Variants in WDR27 observed in about 807,000 individuals in gnomAD.
WDR27 encodes WD repeat domain 27.
WDR27 carries 100 observed loss-of-function variants against 114.4 expected under a neutral mutation model. The observed-to-expected ratio is 0.87, with a 90% confidence interval of 0.74 to 1.03. The LOEUF is 1.03. WDR27 is among the 50% of genes least tolerant of loss of function. The pLI, the probability that WDR27 is intolerant of heterozygous loss-of-function variation, is 0.00. For synonymous variants in WDR27, 449 were observed against 423.1 expected, an observed-to-expected ratio of 1.06 and a Z score of -0.75; for missense variants, 1,129 against 1,092.9, an observed-to-expected ratio of 1.03 and a Z score of -0.47.
intron 21 of WDR27, among the ~76,000 whole-genome samples, chr6:169,623,776 G>A (rs551490493): frequency 9.2e-5 from 14 of 152,168 alleles, no homozygotes; most frequent in Non-Finnish European, 1.5e-4. Context: ...TGACACACAC[G>A]TGAGGCCCCA....
chr6:169,484,944 G>A (rs573233876), intron 25 of WDR27, among the ~76,000 whole-genome samples: 122 of 152,308 alleles, frequency 8.0e-4, no homozygotes, highest in African/African-American at 2.7e-3. Context: ...TCAATAAATG[G>A]TGCTGGGATA....
Position 169,659,363 on chromosome 6 carries a change from C to A in WDR27, c.1197+88G>T. ...GTTTTTACACACAAAATCCCGTTTA[C>A]TCAGCCAGTCGTTACAGGATCACTC... On this transcript the variant is annotated intron_variant, in intron 11 of 25. Transcript: ENST00000448612. The surrounding 1 kb of genome is among the most constrained non-coding windows in gnomAD (Gnocchi z 4.3). 1 of 1,581,772 alleles carries A rather than the reference C, an allele frequency of 6.3e-7. No homozygotes were observed. The highest frequency in any genetic ancestry group is 8.6e-7 in the Non-Finnish European group (1 of 1,157,780).
chr6:169,507,197 C>A (rs2115511597), intron 25 of WDR27, among the ~76,000 whole-genome samples: 1 of 152,300 alleles, frequency 6.6e-6, no homozygotes, highest in Middle Eastern at 3.4e-3. Context: ...AAGGTAAGCA[C>A]AAATGTGGAC....
intron 25 of WDR27, among the ~76,000 whole-genome samples, chr6:169,570,590 A>G (rs1801227998): frequency 1.3e-5 from 2 of 152,218 alleles, no homozygotes; most frequent in African/African-American, 4.8e-5. Flanking sequence ...ACACTTTGGG[A>G]GGCCTAGGCG....
chr6:169,645,031 AAAAAT>A (rs1820233203), intron 16 of WDR27, among the ~76,000 whole-genome samples: 1 of 128,928 alleles, frequency 7.8e-6, no homozygotes, highest in Non-Finnish European at 1.6e-5. Context: ...AATAAAAAAA[AAAAAT>A]AAAAAAAAAA....
intron 21 of WDR27, among the ~76,000 whole-genome samples, chr6:169,632,318 A>ATCGTAAGT (rs1221591380): frequency 2.6e-5 from 4 of 152,202 alleles, no homozygotes; most frequent in African/African-American, 9.7e-5. Flanking sequence ...TGCCAGATGC[A>ATCGTAAGT]TCGTAAGTTA....
chr6:169,576,501 C>T (rs533624487), intron 24 of WDR27, among the ~76,000 whole-genome samples: 1 of 152,190 alleles, frequency 6.6e-6, no homozygotes, highest in African/African-American at 2.4e-5. Context: ...GCATATAGAC[C>T]TGTAGTCCCA....
At chr6:169,536,275 C>T (rs1441909664) in intron 25 of WDR27, among the ~76,000 whole-genome samples, 1 of 152,150 alleles carries the variant, frequency 6.6e-6, no homozygotes, top group East Asian at 1.9e-4. Flanking sequence ...CTGATATGAG[C>T]CTTGCATAAC....
chr6:169,434,603 A>T, the WDR27 span, among the ~76,000 whole-genome samples: 170 of 152,168 alleles, frequency 1.1e-3, no homozygotes, highest in Middle Eastern at 0.02. Flanking sequence ...TAGCAAAGAG[A>T]CCTGTGGCAT....
At chr6:169,592,226 GA>G (rs1390243082) in intron 23 of WDR27, among the ~76,000 whole-genome samples, 3 of 152,082 alleles carry the variant, frequency 2.0e-5, no homozygotes, top group Non-Finnish European at 4.4e-5. Context: ...TACAGCTACA[GA>G]AAAACCTACT....
intron 25 of WDR27, among the ~76,000 whole-genome samples, chr6:169,545,416 C>CCA (rs1797342748): frequency 6.6e-6 from 1 of 152,208 alleles, no homozygotes; most frequent in Non-Finnish European, 1.5e-5. Context: ...CCTCATCCAG[C>CCA]CAAGCCTGGT....
intron 8 of WDR27, among the ~76,000 whole-genome samples, chr6:169,662,736 C>T (rs188058217): frequency 5.9e-5 from 6 of 101,530 alleles, no homozygotes; most frequent in South Asian, 4.1e-4. Flanking sequence ...CCGCGGAGTA[C>T]TCAGATCACG....
chr6:169,594,002 GTC>G, intron 23 of WDR27, among the ~76,000 whole-genome samples: 1 of 152,032 alleles, frequency 6.6e-6, no homozygotes, highest in Admixed American at 6.6e-5. Flanking sequence ...GTTGTTCCCT[GTC>G]TGGCTTTTTA....
chr6:169,576,938 T>C (rs551884672), intron 24 of WDR27, among the ~76,000 whole-genome samples: 21 of 147,090 alleles, frequency 1.4e-4, no homozygotes, highest in Non-Finnish European at 3.0e-4. Context: ...AGTGTGTTTA[T>C]AATTAGCACA....
At chr6:169,535,915 A>G (rs1796148464) in intron 25 of WDR27, among the ~76,000 whole-genome samples, 1 of 152,218 alleles carries the variant, frequency 6.6e-6, no homozygotes, top group Non-Finnish European at 1.5e-5. Context: ...ACCAGGGCCA[A>G]TCCACTGTTC....
intron 25 of WDR27, among the ~76,000 whole-genome samples, chr6:169,480,827 T>C (rs1204754451): frequency 7.0e-6 from 1 of 143,830 alleles, no homozygotes; most frequent in Non-Finnish European, 1.5e-5. Context: ...TAGCTCAAGG[T>C]TTGTAAATGC....
intron 23 of WDR27, among the ~76,000 whole-genome samples, chr6:169,589,960 C>CAACAAGTCCTGAGAGAAGCAGCAAGAAA (rs11275789): frequency 1.3e-5 from 2 of 151,948 alleles, no homozygotes; most frequent in African/African-American, 4.8e-5. Context: ...AGAACCAAAT[C>CAACAAGTCCTGAGAGAAGCAGCAAGAAA]AAGGGAAGCA....
chr6:169,432,714 T>C, the WDR27 span, among the ~76,000 whole-genome samples: 1 of 152,216 alleles, frequency 6.6e-6, no homozygotes, highest in Non-Finnish European at 1.5e-5. Flanking sequence ...GGTATGCCTT[T>C]ATCATCAGTG....
chr6:169,667,063 C>T, intron 6 of WDR27, 73 bp downstream of exon 6: 1 of 1,407,860 alleles, frequency 7.1e-7, no homozygotes, highest in South Asian at 1.8e-5. Flanking sequence ...CCATCTTATG[C>T]CCTGTAATAT....
Sources: gnomAD v4.1 joint callset for allele counts (sites outside exome capture counted in the v4.1 genomes callset) on GRCh38, gnomAD v4.1.1 for gene constraint, Gnocchi (gnomAD v3.1) non-coding constraint, MANE v1.5 for transcripts, NCBI Gene and HGNC (gene_info 2026-07-23, HGNC 2026-07-21) for gene names.